TEX36: variants seen among roughly 807,000 people sequenced by gnomAD.
The protein encoded by TEX36 is testis-expressed protein 36.
Under a neutral mutation model 13.6 loss-of-function variants are expected in TEX36, and 12 were observed. The observed-to-expected ratio is 0.88, with a 90% CI of 0.56 to 1.43. The LOEUF is 1.43. TEX36 is among the 40% of genes most tolerant of loss of function. TEX36 has a pLI of 0.00. For missense variants in TEX36, 224 were observed against 228.3 expected (o/e 0.98, Z 0.12); for synonymous variants, 93 against 83.0 (o/e 1.12, Z -0.65).
At chr10:125,653,595 C>G (rs1380162429), downstream of TEX36, among the ~76,000 whole-genome samples, 1 of 151,874 alleles carries the variant, frequency 6.6e-6, no homozygotes, top group Non-Finnish European at 1.5e-5. Flanking sequence ...ATGTAACAAA[C>G]CTGCACGTTG....
At chr10:125,622,758 A>AT (rs1476227671) in intron 3 of TEX36, among the ~76,000 whole-genome samples, 1 of 152,212 alleles carries the variant, frequency 6.6e-6, no homozygotes, top group Non-Finnish European at 1.5e-5. Context: ...ACCTTCATCG[A>AT]GGAGTAGTAG....
At chr10:125,634,145 T>A (rs1216743794) in intron 3 of TEX36, among the ~76,000 whole-genome samples, 3 of 152,190 alleles carry the variant, frequency 2.0e-5, no homozygotes, top group African/African-American at 2.4e-5. Flanking sequence ...AAAGGATGTT[T>A]GTTACATACA....
chr10:125,662,887 G>A (rs1170818771), intron 1 of TEX36, among the ~76,000 whole-genome samples: 1 of 152,160 alleles, frequency 6.6e-6, no homozygotes, highest in Non-Finnish European at 1.5e-5. Flanking sequence ...AGCTCTTATG[G>A]CAAGAGAAGC....
chr10:125,638,409 A>C (rs1846645190), intron 3 of TEX36, among the ~76,000 whole-genome samples: 1 of 152,286 alleles, frequency 6.6e-6, no homozygotes, highest in African/African-American at 2.4e-5. Flanking sequence ...AAGCAGAGAG[A>C]TGGCAGTGAG....
At chr10:125,662,241 A>T (rs1847056934) in intron 1 of TEX36, among the ~76,000 whole-genome samples, 1 of 152,182 alleles carries the variant, frequency 6.6e-6, no homozygotes, top group East Asian at 1.9e-4. Flanking sequence ...ATAGCCTGGT[A>T]AGGAGGGTGT....
At chr10:125,680,159 G>C (rs954201937) in intron 1 of TEX36, among the ~76,000 whole-genome samples, 1 of 152,062 alleles carries the variant, frequency 6.6e-6, no homozygotes, top group African/African-American at 2.4e-5. Context: ...ATAATACAAA[G>C]GGTCTTCGGG....
intron 1 of TEX36, among the ~76,000 whole-genome samples, chr10:125,675,095 G>C (rs543186259): frequency 4.6e-5 from 7 of 150,802 alleles, no homozygotes; most frequent in Non-Finnish European, 1.0e-4. Flanking sequence ...CAAGAGTTCT[G>C]TCCTTAAACC....
chr10:125,666,822 A>C, intron 1 of TEX36: 1 of 286,796 alleles, frequency 3.5e-6, no homozygotes, highest in Non-Finnish European at 6.7e-6. Context: ...CCGCTCTTCA[A>C]GAGAGTAGGG....
At chr10:125,608,633 A>G (rs1846247010) in intron 3 of TEX36, among the ~76,000 whole-genome samples, 1 of 152,108 alleles carries the variant, frequency 6.6e-6, no homozygotes, top group Non-Finnish European at 1.5e-5. Context: ...TGCCCCCTGG[A>G]GCACCCCTAT....
At chr10:125,645,065 C>G (rs528313374) in intron 3 of TEX36, among the ~76,000 whole-genome samples, 97 of 152,264 alleles carry the variant, frequency 6.4e-4, no homozygotes, top group African/African-American at 2.3e-3. Flanking sequence ...AAAGAGAACC[C>G]CTGGCATCTG....
intron 3 of TEX36, among the ~76,000 whole-genome samples, chr10:125,647,253 C>G (rs1377752735): frequency 6.6e-6 from 1 of 152,126 alleles, no homozygotes; most frequent in Non-Finnish European, 1.5e-5. Context: ...TTAATAAGCT[C>G]AAGCAAAGGA....
intron 1 of TEX36, among the ~76,000 whole-genome samples, chr10:125,679,137 C>T (rs1406745293): frequency 7.7e-6 from 1 of 129,942 alleles, no homozygotes; most frequent in Admixed American, 8.1e-5. Context: ...GCTACAGGAG[C>T]ACCCCCCCCG....
chr10:125,667,615 G>A (rs982402600), intron 1 of TEX36: 30 of 724,076 alleles, frequency 4.1e-5, no homozygotes, highest in East Asian at 1.5e-4. Context: ...GGGAGACCAC[G>A]CCCTTGTCTA....
At chr10:125,587,786 T>TAAAAAAAAAAA (rs56198506) in intron 3 of TEX36, among the ~76,000 whole-genome samples, 1 of 101,896 alleles carries the variant, frequency 9.8e-6, no homozygotes, top group Non-Finnish European at 2.0e-5. Flanking sequence ...GTCTCAAAAT[T>TAAAAAAAAAAA]AAAAAAAAAA....
chr10:125,660,003 G>A (rs1349633761), intron 3 of TEX36, among the ~76,000 whole-genome samples: 1 of 152,160 alleles, frequency 6.6e-6, no homozygotes, highest in South Asian at 2.1e-4. Flanking sequence ...TGTTACATAA[G>A]TGTAAAACAC....
At chr10:125,596,789 A>G (rs1162242128) in intron 3 of TEX36, among the ~76,000 whole-genome samples, 1 of 152,220 alleles carries the variant, frequency 6.6e-6, no homozygotes, top group Non-Finnish European at 1.5e-5. Context: ...GCAAGGATCA[A>G]GCCAGCTGTT....
intron 1 of TEX36, among the ~76,000 whole-genome samples, chr10:125,673,132 G>A (rs566261326): frequency 6.6e-6 from 1 of 152,180 alleles, no homozygotes; most frequent in South Asian, 2.1e-4. Context: ...TTACATTTAA[G>A]GTTAATGTTA....
chr10:125,625,119 C>T (rs566028784), intron 3 of TEX36, among the ~76,000 whole-genome samples: 1 of 152,200 alleles, frequency 6.6e-6, no homozygotes, highest in East Asian at 1.9e-4. Flanking sequence ...TCCAGGTGGC[C>T]CCTGGCTCAG....
At chr10:125,631,783 C>T (rs1216322218) in intron 3 of TEX36, among the ~76,000 whole-genome samples, 1 of 152,096 alleles carries the variant, frequency 6.6e-6, no homozygotes, top group Non-Finnish European at 1.5e-5. Context: ...GTGCCTGGTG[C>T]CCTGGTTGCT....
Sources: allele counts gnomAD v4.1 joint callset (sites outside exome capture counted in the v4.1 genomes callset), GRCh38; gene constraint gnomAD v4.1.1; transcripts MANE v1.5; gene names NCBI Gene and HGNC (gene_info 2026-07-23, HGNC 2026-07-21).